C8orf34: variants seen among roughly 807,000 people sequenced by gnomAD.
The protein encoded by C8orf34 is chromosome 8 open reading frame 34, also known as uncharacterized protein C8orf34.
C8orf34 carries 65 observed loss-of-function variants against 68.3 expected under a neutral mutation model. The observed-to-expected ratio is 0.95, with a 90% CI of 0.78 to 1.17. C8orf34 has a LOEUF of 1.17. C8orf34 is among the 50% of genes most tolerant of loss of function. The probability of loss-of-function intolerance (pLI) is 0.00; values close to 1 mark genes in which losing one functional copy is unlikely to be tolerated. For missense variants in C8orf34, 664 were observed against 655.4 expected, an observed-to-expected ratio of 1.01 and a Z score of -0.14; for synonymous variants, 244 against 241.2, an observed-to-expected ratio of 1.01 and a Z score of -0.11.
At chr8:68,515,032 C>T (rs937341560) in intron 5 of C8orf34, among the ~76,000 whole-genome samples, 5 of 152,040 alleles carry the variant, frequency 3.3e-5, no homozygotes, top group Non-Finnish European at 5.9e-5. Context: ...ATAGTGTATA[C>T]GTGTTCAATA....
chr8:68,398,500 AT>A (rs1025806778), intron 1 of C8orf34, among the ~76,000 whole-genome samples: 3 of 151,982 alleles, frequency 2.0e-5, no homozygotes, highest in Admixed American at 6.6e-5. Context: ...AAAATAAAGT[AT>A]TTTTTTTGGT....
At chr8:68,353,379 T>G (rs917306000) in intron 1 of C8orf34, among the ~76,000 whole-genome samples, 1 of 151,972 alleles carries the variant, frequency 6.6e-6, no homozygotes, top group African/African-American at 2.4e-5. Flanking sequence ...GGGGGAAGTT[T>G]AACTATTTTG....
chr8:68,378,749 T>G (rs1807911951), intron 1 of C8orf34, among the ~76,000 whole-genome samples: 1 of 152,204 alleles, frequency 6.6e-6, no homozygotes, highest in Admixed American at 6.5e-5. Flanking sequence ...TTTAAGCTAG[T>G]TAGAATTGAG....
At chr8:68,531,843 A>G (rs967140974) in intron 6 of C8orf34, among the ~76,000 whole-genome samples, 5 of 152,110 alleles carry the variant, frequency 3.3e-5, no homozygotes, top group African/African-American at 1.2e-4. Flanking sequence ...GGCTGGAGGA[A>G]CAGCTTAGCA....
intron 7 of C8orf34, among the ~76,000 whole-genome samples, chr8:68,546,253 A>G (rs1017140814): frequency 1.3e-5 from 2 of 152,052 alleles, no homozygotes; most frequent in Admixed American, 6.6e-5. Context: ...AATGAATTAC[A>G]CACACCAATT....
intron 1 of C8orf34, among the ~76,000 whole-genome samples, chr8:68,413,130 T>C (rs965281460): frequency 3.3e-5 from 5 of 152,226 alleles, no homozygotes; most frequent in Admixed American, 3.3e-4. Context: ...TGACCACAAA[T>C]CTCAAGTGGC....
chr8:68,578,133 G>A (rs1246722678), intron 7 of C8orf34, among the ~76,000 whole-genome samples: 1 of 151,842 alleles, frequency 6.6e-6, no homozygotes, highest in Non-Finnish European at 1.5e-5. Flanking sequence ...AAAGGAATAG[G>A]CACTCACTTG....
intron 5 of C8orf34, among the ~76,000 whole-genome samples, chr8:68,511,188 CA>C (rs1814258070): frequency 1.3e-5 from 2 of 152,188 alleles, no homozygotes; most frequent in Non-Finnish European, 2.9e-5. Context: ...AAATAGCACT[CA>C]AACATAAATT....
chr8:68,370,077 C>T (rs1469879189), intron 1 of C8orf34, among the ~76,000 whole-genome samples: 2 of 152,074 alleles, frequency 1.3e-5, no homozygotes, highest in South Asian at 2.1e-4. Flanking sequence ...ATTAATGGGC[C>T]CTTGGAAACT....
At chr8:68,641,019 G>T (rs1818991525) in intron 8 of C8orf34, among the ~76,000 whole-genome samples, 1 of 152,206 alleles carries the variant, frequency 6.6e-6, no homozygotes, top group East Asian at 1.9e-4. Context: ...GAAGTAGCTT[G>T]TAGTTACTGC....
In C8orf34 at chr8:68,682,410, G is replaced by C. The variant is rs564011507; in HGVS notation, c.1242-26584G>C. 2.6e-5 allele frequency among the ~76,000 whole-genome samples: 4 copies of C among 152,148 alleles called. No homozygotes were observed. In the South Asian group the frequency reaches 8.3e-4, roughly 32 times the overall value. The stretch of plus-strand genomic sequence containing the variant: ...AGATTTGTTATGCAGATTTAGATTG[G>C]TGCCTTCTCCATTGATGAGTCTCGT... On this transcript the variant is annotated intron_variant, in intron 8 of 13. Transcript: ENST00000518698.
At chr8:68,499,583 G>A (rs984713703) in intron 5 of C8orf34, among the ~76,000 whole-genome samples, 7 of 152,126 alleles carry the variant, frequency 4.6e-5, no homozygotes, top group African/African-American at 1.7e-4. Flanking sequence ...ATTGGCAACC[G>A]TCATAGTAGT....
rs117479019 is a variant in C8orf34 at position 68,699,083 on chromosome 8, C to T, written c.1242-9911C>T. 1.5e-3 allele frequency among the ~76,000 whole-genome samples: 235 copies of T among 152,072 alleles called. 5 individuals are homozygous for T. In the East Asian group the frequency reaches 0.041, roughly 26 times the overall value. On this transcript the variant is annotated intron_variant, in intron 8 of 13. Transcript: ENST00000518698. The stretch of plus-strand genomic sequence containing the variant: ...TAGAAACACAAATTCTTGGGCTCTA[C>T]TTCAGACCTTCTGAATCAGAAAGTC...
chr8:68,521,748 T>G (rs1289019374), intron 5 of C8orf34, 51 bp from the exon 6 acceptor site: 1 of 1,504,980 alleles, frequency 6.6e-7, no homozygotes, highest in Admixed American at 2.0e-5. Context: ...CCTGTTGTCC[T>G]GTTAATAAGA....
intron 6 of C8orf34, chr8:68,525,383 A>G (rs1814929373): frequency 6.0e-6 from 2 of 331,984 alleles, no homozygotes; most frequent in East Asian, 1.0e-4. Context: ...GGCTTGAAAT[A>G]TCTAAAACAC....
intron 1 of C8orf34, among the ~76,000 whole-genome samples, chr8:68,426,536 A>AG (rs1260473665): frequency 1.3e-5 from 2 of 150,666 alleles, no homozygotes; most frequent in East Asian, 3.9e-4. Context: ...AAAAAAAAAA[A>AG]AAAAAGAAAA....
chr8:68,677,848 AG>A (rs1470965825), intron 8 of C8orf34, among the ~76,000 whole-genome samples: 1 of 152,242 alleles, frequency 6.6e-6, no homozygotes, highest in Non-Finnish European at 1.5e-5. Flanking sequence ...AGCCAGACTA[AG>A]AACAAAAGGA....
intron 8 of C8orf34, among the ~76,000 whole-genome samples, chr8:68,681,173 T>A (rs1820358093): frequency 6.6e-6 from 1 of 152,146 alleles, no homozygotes; most frequent in South Asian, 2.1e-4. Context: ...TTCATATTGT[T>A]CAAACACACA....
chr8:68,360,170 C>T (rs1806923185), intron 1 of C8orf34, among the ~76,000 whole-genome samples: 1 of 152,232 alleles, frequency 6.6e-6, no homozygotes, highest in African/African-American at 2.4e-5. Context: ...TTATCAGATC[C>T]TTCTAATGAG....
Sources: gnomAD v4.1 joint callset for allele counts (sites outside exome capture counted in the v4.1 genomes callset) on GRCh38, gnomAD v4.1.1 for gene constraint, MANE v1.5 for transcripts, NCBI Gene and HGNC (gene_info 2026-07-23, HGNC 2026-07-21) for gene names.